Variants in TMTC3 observed in about 807,000 individuals in gnomAD.
The protein encoded by TMTC3 is transmembrane O-mannosyltransferase targeting cadherins 3.
Under a neutral mutation model 92.2 loss-of-function variants are expected in TMTC3, and 52 were observed. The ratio of observed to expected loss-of-function variants is 0.56; its 90% CI spans 0.45 to 0.71. TMTC3 has a LOEUF of 0.71. Among genes scored for constraint, TMTC3 ranks in the 30% least tolerant of loss-of-function variants. TMTC3 has a pLI of 0.00. For synonymous variants in TMTC3, 339 were observed against 363.3 expected (o/e 0.93, Z 0.76); for missense variants, 896 against 1,057.1 (o/e 0.85, Z 2.11).
rs540374340 is a variant in TMTC3 at position 88,197,520 on chromosome 12, T to C, written c.*1871T>C. 6.6e-6 allele frequency: 1 copy of C among 152,398 alleles called. No individual in the cohort carries two copies. The highest frequency in any genetic ancestry group is 1.9e-4 in the East Asian group (1 of 5,182). 9.4% of individuals were successfully genotyped at this position (152,398 alleles called of 1,614,324 possible). On this transcript the variant is annotated 3_prime_UTR_variant, in exon 14 of 14. Coordinates refer to ENST00000266712, the MANE Select transcript of TMTC3 (RefSeq NM_181783.4). Reference sequence around the variant, plus strand: ...TCTGAGTGTGATCTCTCTTTTGCCATAGTATCAAGTGGAGGGTAGTTCAGA... The same window carrying C: ...TCTGAGTGTGATCTCTCTTTTGCCACAGTATCAAGTGGAGGGTAGTTCAGA...
Position 88,196,737 on chromosome 12 carries a change from A to C in TMTC3, c.*1088A>C, listed in dbSNP as rs2041517896. On this transcript the variant is annotated 3_prime_UTR_variant, in exon 14 of 14. Transcript: ENST00000266712. Reference sequence around the variant, plus strand: ...GACTAAGCTTTCATAAAATATTTGAAGCTATTTTAATCATCAAGTATGGAA... The same window carrying C: ...GACTAAGCTTTCATAAAATATTTGACGCTATTTTAATCATCAAGTATGGAA... 1.3e-5 allele frequency: 2 copies of C among 151,884 alleles called. No individual in the cohort carries two copies. Among genetic ancestry groups the C allele is most frequent in the Admixed American group, 1.3e-4 (2 of 15,248 alleles). The allele number at this position is 151,884 out of a possible 1,614,324, so 9.4% of individuals were successfully genotyped here.
chr12:88,151,995 A>G (rs1396622632), intron 2 of TMTC3, among the ~76,000 whole-genome samples: 1 of 152,178 alleles, frequency 6.6e-6, no homozygotes, highest in Non-Finnish European at 1.5e-5. Context: ...GTGTTTCCTA[A>G]TGTTCCCTAC....
Position 88,198,149 on chromosome 12 carries a change from T to TAA in TMTC3, c.*2501_*2502dup. The TAA allele has an allele frequency of 2.5e-6, 1 of 393,552 alleles. No homozygotes were observed. Among genetic ancestry groups the TAA allele is most frequent in the Non-Finnish European group, 4.5e-6 (1 of 222,940 alleles). The allele number at this position is 393,552 out of a possible 1,614,324, so 24.4% of individuals were successfully genotyped here. A position where few individuals can be genotyped will look rare whatever the true frequency, so the allele number is the denominator to read the frequency against. ...GTGTAAGATTATTATTTCTTCTCTA[T>TAA]AACTTCAAAATAGATATTTCATTCA... is the stretch of plus-strand genomic sequence containing the variant. On this transcript the variant is annotated 3_prime_UTR_variant, in exon 14 of 14. Coordinates refer to ENST00000266712, the MANE Select transcript of TMTC3 (RefSeq NM_181783.4).
chr12:88,156,259 C>G (rs1371689836), intron 4 of TMTC3, among the ~76,000 whole-genome samples: 1 of 152,198 alleles, frequency 6.6e-6, no homozygotes, highest in African/African-American at 2.4e-5. Flanking sequence ...AGCACATGTT[C>G]TTCTAAAGTT....
At chr12:88,153,648 G>C (rs201446732) in intron 3 of TMTC3, 139 bp downstream of exon 3, 13 of 516,210 alleles carry the variant, frequency 2.5e-5, no homozygotes, top group Non-Finnish European at 3.7e-5. Context: ...TCTTAAATTC[G>C]TACAGTTAAT....
At chr12:88,172,797 A>G (rs2041220083) in intron 8 of TMTC3, 52 bp downstream of exon 8, 1 of 1,556,358 alleles carries the variant, frequency 6.4e-7, no homozygotes, top group African/African-American at 1.4e-5. Flanking sequence ...TAAGTGTGAC[A>G]CATTTTAAAA....
rs146077935 is a variant in TMTC3, at chr12:88,154,320, G to A, written c.441G>A (p.Leu147=). 3 of 1,606,876 alleles carry A rather than the reference G, an allele frequency of 1.9e-6. No individual in the cohort carries two copies. The highest frequency in any genetic ancestry group is 1.7e-6 in the Non-Finnish European group (2 of 1,177,894). The change falls in exon 4 of 14, where the codon TTG becomes TTA. Residue 147 remains leucine (L), a synonymous_variant. Transcript: ENST00000266712. The part of the protein sequence containing the change: ...VTGVVGRAEL[L]SSIFFLAAFL... ...GAGTTGTTGGAAGAGCAGAACTTTT[G>A]TCATCTATCTTTTTTCTAGCAGCTT...
At chr12:88,192,936 T>C in intron 13 of TMTC3, 106 bp downstream of exon 13, 5 of 855,264 alleles carry the variant, frequency 5.8e-6, no homozygotes, top group Non-Finnish European at 8.7e-6. Context: ...GTATTGACAG[T>C]TTATAGCAAT....
chr12:88,144,076 T>C lies in TMTC3; in HGVS notation c.-29+1589T>C, dbSNP rs116294098. Among the ~76,000 whole-genome samples, 1,024 of 152,310 alleles carry C rather than the reference T, an allele frequency of 6.7e-3. 17 individuals carry two copies. Among genetic ancestry groups the C allele is most frequent in the African/African-American group, 0.024 (985 of 41,554 alleles). ...AGAACGAGCAGACGTCCCACCTTTC[T>C]CGCCATCTTGGATTTGGTGGGATTT... On this transcript the variant is annotated intron_variant, in intron 1 of 13. Transcript: ENST00000266712.
rs2041544444 is a variant in TMTC3 at position 88,198,678 on chromosome 12, A to ACAT, written c.*3031_*3033dup. ...TAATAAAACCTCATGCCTTTTCATT[A>ACAT]CATCTAATTTGAACTCTCAACTTCA... On this transcript the variant is annotated 3_prime_UTR_variant, in exon 14 of 14. Transcript: ENST00000266712. The ACAT allele has an allele frequency of 2.9e-6, 1 of 341,544 alleles. No individual in the cohort carries two copies. Among genetic ancestry groups the ACAT allele is most frequent in the South Asian group, 1.5e-4 (1 of 6,498 alleles). 21.2% of individuals were successfully genotyped at this position (341,544 alleles called of 1,614,324 possible).
chr12:88,155,969 G>T (rs538975124), intron 4 of TMTC3, among the ~76,000 whole-genome samples: 1 of 152,156 alleles, frequency 6.6e-6, no homozygotes, highest in East Asian at 1.9e-4. Flanking sequence ...AATTAGCCAG[G>T]CGTAGTGGCA....
intron 10 of TMTC3, among the ~76,000 whole-genome samples, chr12:88,177,320 T>C (rs1037391885): frequency 6.7e-6 from 1 of 148,960 alleles, no homozygotes; most frequent in African/African-American, 2.6e-5. Context: ...AGTGATATAC[T>C]CTGTCTCAAA....
At chr12:88,169,678 C>A (rs190567739) in intron 7 of TMTC3, among the ~76,000 whole-genome samples, 1 of 152,192 alleles carries the variant, frequency 6.6e-6, no homozygotes, top group East Asian at 1.9e-4. Context: ...ATCGCTCATG[C>A]CTGTAATCCC....
intron 10 of TMTC3, among the ~76,000 whole-genome samples, chr12:88,183,327 T>G (rs1471709708): frequency 1.3e-5 from 2 of 152,200 alleles, no homozygotes; most frequent in Non-Finnish European, 2.9e-5. Context: ...TTAATGCTTT[T>G]CCTTATCTCT....
At chr12:88,166,114 C>A (rs1364958500) in intron 6 of TMTC3, among the ~76,000 whole-genome samples, 1 of 152,122 alleles carries the variant, frequency 6.6e-6, no homozygotes, top group Non-Finnish European at 1.5e-5. Context: ...GCCTTTCAAA[C>A]AGTCCTTCAT....
intron 10 of TMTC3, among the ~76,000 whole-genome samples, chr12:88,179,095 C>T (rs1489371912): frequency 2.0e-5 from 3 of 152,150 alleles, no homozygotes; most frequent in Non-Finnish European, 2.9e-5. Flanking sequence ...TTCTATTAAT[C>T]ATAAGCCATG....
Position 88,172,739 on chromosome 12 carries a change from C to T in TMTC3, c.1193C>T (p.Thr398Ile), listed in dbSNP as rs1189803283. 1 of 1,591,974 alleles carries T rather than the reference C, an allele frequency of 6.3e-7. No homozygotes were observed. Among genetic ancestry groups the T allele is most frequent in the Admixed American group, 1.8e-5 (1 of 54,690 alleles). The change falls in exon 8 of 14, where the codon ACA becomes ATA. Residue 398 changes from threonine (T) to isoleucine (I), a missense_variant. Transcript: ENST00000266712. ...LVAHGWQKIS[T>I]KSVFKKLSWI... Reference sequence around the variant, plus strand: ...GCCCATGGATGGCAGAAAATATCAACAAAAAGGTGAATTTAAATGTCAGTT... The same window carrying T: ...GCCCATGGATGGCAGAAAATATCAATAAAAAGGTGAATTTAAATGTCAGTT...
At position 88,199,730 on chromosome 12, in the gene TMTC3, T is replaced by C. The variant is rs371130258; in HGVS notation, c.*4081T>C. The C allele has an allele frequency of 1.3e-5, 2 of 152,210 alleles. No individual in the cohort carries two copies. The highest frequency in any genetic ancestry group is 1.5e-5 in the Non-Finnish European group (1 of 68,034). 9.4% of individuals were successfully genotyped at this position (152,210 alleles called of 1,614,324 possible). On this transcript the variant is annotated 3_prime_UTR_variant, in exon 14 of 14. Coordinates refer to ENST00000266712, the MANE Select transcript of TMTC3 (RefSeq NM_181783.4). ...GTAGCATAAAATGAAAGATAAAGTC[T>C]GAAGACTGGATCCAGGCAAATTCAT... is the stretch of plus-strand genomic sequence containing the variant.
chr12:88,167,373 T>C (rs1235437920), intron 7 of TMTC3, among the ~76,000 whole-genome samples: 1 of 152,100 alleles, frequency 6.6e-6, no homozygotes. Flanking sequence ...CACTGCACTC[T>C]AGTCTGGGCG....
Sources: gnomAD v4.1 joint callset for allele counts (sites outside exome capture counted in the v4.1 genomes callset) on GRCh38, gnomAD v4.1.1 for gene constraint, MANE v1.5 for transcripts, NCBI Gene and HGNC (gene_info 2026-07-23, HGNC 2026-07-21) for gene names.